The following SLCO1B3 variants were observed in gnomAD, a reference collection of about 807,000 sequenced individuals.
The protein encoded by SLCO1B3 is liver-specific organic anion transporter 2.
A neutral mutation model predicts 71.8 loss-of-function variants in SLCO1B3; 72 were observed. The observed-to-expected ratio is 1.00, with a 90% CI of 0.83 to 1.22. The LOEUF (loss-of-function observed/expected upper bound fraction) is 1.22, where lower values mean the gene tolerates loss of function less well. Among genes scored for constraint, SLCO1B3 ranks in the 50% most tolerant of loss-of-function variants. The pLI is 0.00. For synonymous variants in SLCO1B3, 298 were observed against 278.4 expected (o/e 1.07, Z -0.70); for missense variants, 911 against 819.7 (o/e 1.11, Z -1.36).
chr12:20,915,773 A>C (rs1458335012), intron 15 of SLCO1B3, among the ~76,000 whole-genome samples: 1 of 152,110 alleles, frequency 6.6e-6, no homozygotes, highest in Non-Finnish European at 1.5e-5. Context: ...CTCCCTCCCA[A>C]AGGAAGGCTA....
chr12:20,819,265 G>C (rs577030758), intron 3 of SLCO1B3, among the ~76,000 whole-genome samples: 1 of 152,224 alleles, frequency 6.6e-6, no homozygotes, highest in East Asian at 1.9e-4. Context: ...GAGATTAATC[G>C]GACACGATCA....
In SLCO1B3 at chr12:20,836,652, G is replaced by GT. The variant is rs531758633; in HGVS notation, c.85-18369dup. On this transcript the variant is annotated intron_variant, in intron 3 of 15. Transcript: ENST00000381545. Reference sequence around the variant, plus strand: ...TTCTTTCTGTTTTTTGTTTTGTTTTGTTTTTTTGAGATGGAGTCTCGCTCT... The same window carrying GT: ...TTCTTTCTGTTTTTTGTTTTGTTTTGTTTTTTTTGAGATGGAGTCTCGCTCT... Among the ~76,000 whole-genome samples the GT allele has an allele frequency of 5.3e-5, 8 of 151,870 alleles. No homozygotes were observed. In the South Asian group the frequency reaches 1.5e-3, roughly 28 times the overall value.
At chr12:20,849,162 A>G (rs1275618923) in intron 3 of SLCO1B3, among the ~76,000 whole-genome samples, 1 of 152,032 alleles carries the variant, frequency 6.6e-6, no homozygotes, top group African/African-American at 2.4e-5. Context: ...ATATTAAAAA[A>G]TTTTTCAAGA....
chr12:20,891,911 A>G (rs1222208459), intron 13 of SLCO1B3, among the ~76,000 whole-genome samples: 2 of 151,942 alleles, frequency 1.3e-5, no homozygotes, highest in African/African-American at 4.8e-5. Context: ...CTCTTCTTTT[A>G]TACCCTATGT....
intron 8 of SLCO1B3, among the ~76,000 whole-genome samples, chr12:20,866,463 CATG>C (rs74817237): frequency 0.72 from 109,823 of 151,678 alleles, 42,338 homozygotes; most frequent in South Asian, 0.9. Context: ...AGACTCGAAA[CATG>C]ATTCAAGAAA....
chr12:20,891,736 T>C (rs1189784436), intron 13 of SLCO1B3, among the ~76,000 whole-genome samples: 1 of 152,118 alleles, frequency 6.6e-6, no homozygotes, highest in African/African-American at 2.4e-5. Flanking sequence ...TACTTTTCTA[T>C]GTATTTTTCC....
In SLCO1B3 at chr12:20,837,849, A is replaced by T. The variant is rs371787502; in HGVS notation, c.85-17179A>T. ...AGATGTTAATTATATCCAGTTGATTAATGGTGTTATTAAGGTCAAGTATTT... is the reference window on the plus strand; with the variant it reads ...AGATGTTAATTATATCCAGTTGATTTATGGTGTTATTAAGGTCAAGTATTT... On this transcript the variant is annotated intron_variant, in intron 3 of 15. Coordinates refer to ENST00000381545, the MANE Select transcript of SLCO1B3 (RefSeq NM_019844.4). Among the ~76,000 whole-genome samples the T allele has an allele frequency of 8.2e-4, 125 of 152,206 alleles. 2 individuals carry two copies. In the South Asian group the frequency reaches 0.025, roughly 30 times the overall value.
intron 8 of SLCO1B3, among the ~76,000 whole-genome samples, chr12:20,864,246 C>A (rs906228638): frequency 1.3e-5 from 2 of 151,856 alleles, no homozygotes; most frequent in African/African-American, 2.4e-5. Flanking sequence ...TATTAATCAT[C>A]AAGAGCATGC....
chr12:20,901,510 G>A, intron 15 of SLCO1B3, 43 bp downstream of exon 15: 1 of 1,058,444 alleles, frequency 9.4e-7, no homozygotes, highest in Non-Finnish European at 1.4e-6. Flanking sequence ...TTTTTTCTTT[G>A]TCTATGTTAA....
At position 20,916,199 on chromosome 12, in the gene SLCO1B3, T is replaced by C. The variant is rs771314014; in HGVS notation, c.2061T>C (p.Asp687=). ...ATTTTGTACCTTCTGCTGGAACAGA[T>C]AGTAAAACATGTAATTTGGACATGC... ...GEHFVPSAGT[D]SKTCNLDMQD... Residue 687 remains aspartate (D), a synonymous_variant, in exon 16 of 16, where the codon GAT becomes GAC. Coordinates refer to ENST00000381545, the MANE Select transcript of SLCO1B3 (RefSeq NM_019844.4). 7 of 1,611,722 alleles carry C rather than the reference T, an allele frequency of 4.3e-6. No individual in the cohort carries two copies. The highest frequency in any genetic ancestry group is 1.6e-4 in the Middle Eastern group (1 of 6,068).
intron 3 of SLCO1B3, among the ~76,000 whole-genome samples, chr12:20,849,396 CCT>C (rs1164026257): frequency 1.3e-5 from 2 of 151,912 alleles, no homozygotes; most frequent in African/African-American, 4.8e-5. Context: ...ATATAAGGGA[CCT>C]CTCTCAACAT....
intron 8 of SLCO1B3, among the ~76,000 whole-genome samples, chr12:20,863,340 A>T (rs958552322): frequency 2.0e-5 from 3 of 152,138 alleles, no homozygotes; most frequent in Non-Finnish European, 4.4e-5. Context: ...CTATGGGAAC[A>T]TTTAATGAGT....
In SLCO1B3 at chr12:20,883,565, G is replaced by T. The variant is rs550694241; in HGVS notation, c.1645G>T (p.Ala549Ser). The change falls in exon 13 of 16, where the codon GCA becomes TCA. Residue 549 changes from alanine (A) to serine (S), a missense_variant. Ala to Ser is a moderately conservative substitution (Grantham distance 99, BLOSUM62 1). Transcript: ENST00000381545. ...AIQVINSLFS[A>S]TGGTTFILLT... ...TCAAGTCATAAACTCTTTGTTCTCT[G>T]CAACAGGAGGTACCACATTTATCTT... The T allele has an allele frequency of 1.9e-6, 3 of 1,599,402 alleles. No homozygotes were observed. Among genetic ancestry groups the T allele is most frequent in the Non-Finnish European group, 2.6e-6 (3 of 1,175,072 alleles).
In SLCO1B3 at chr12:20,815,702, C is replaced by A; in HGVS notation, c.-37C>A. 2.4e-6 allele frequency: 3 copies of A among 1,225,002 alleles called. No individual in the cohort carries two copies. Among genetic ancestry groups the A allele is most frequent in the Admixed American group, 1.8e-5 (1 of 54,932 alleles). The allele number at this position is 1,225,002 out of a possible 1,614,324, so 75.9% of individuals were successfully genotyped here. ...ATCATTTCAAACCAAGCATCAGCAACAATTAAAAATATTCACTTGGTATCT... is the reference window on the plus strand; with the variant it reads ...ATCATTTCAAACCAAGCATCAGCAAAAATTAAAAATATTCACTTGGTATCT... On this transcript the variant is annotated 5_prime_UTR_variant, in exon 3 of 16. Transcript: ENST00000381545.
rs182885441 is a variant in SLCO1B3 at position 20,894,170 on chromosome 12, A to T, written c.1683-4266A>T. Among the ~76,000 whole-genome samples the T allele has an allele frequency of 2.0e-5, 3 of 152,332 alleles. No individual in the cohort carries two copies. In the East Asian group the frequency reaches 5.8e-4, roughly 29 times the overall value. On this transcript the variant is annotated intron_variant, in intron 13 of 15. Transcript: ENST00000381545. ...TCTCTTAAATTAAACAATTAAATGA[A>T]ATAGCACATTTAACTTCTTAGGGTG...
chr12:20,903,000 GA>G (rs1440158341), intron 15 of SLCO1B3, among the ~76,000 whole-genome samples: 1 of 151,652 alleles, frequency 6.6e-6, no homozygotes, highest in Non-Finnish European at 1.5e-5. Context: ...TTGAACCTGG[GA>G]GGTGGAGGTG....
At position 20,898,427 on chromosome 12, in the gene SLCO1B3, A is replaced by G. The variant is rs776411134; in HGVS notation, c.1683-9A>G. ...CATGTATTATTTCTTTGCCTTTATC[A>G]TATTTCAGGATTGTTCAACCTGAAT... On this transcript the variant is annotated splice_polypyrimidine_tract_variant and intron_variant, in intron 13 of 15. Coordinates refer to ENST00000381545, the MANE Select transcript of SLCO1B3 (RefSeq NM_019844.4). The G allele has an allele frequency of 6.3e-7, 1 of 1,574,986 alleles. No individual in the cohort carries two copies. The highest frequency in any genetic ancestry group is 1.1e-5 in the South Asian group (1 of 89,416).
intron 13 of SLCO1B3, among the ~76,000 whole-genome samples, chr12:20,892,685 G>GAGAAAGAGGAGGAAGAAA (rs1022204849): frequency 6.6e-6 from 1 of 152,138 alleles, no homozygotes; most frequent in Non-Finnish European, 1.5e-5. Context: ...GTAATCAGAT[G>GAGAAAGAGGAGGAAGAAA]AGAAAGAGGA....
intron 3 of SLCO1B3, chr12:20,845,062 C>CCT: frequency 2.8e-6 from 1 of 362,386 alleles, no homozygotes; most frequent in South Asian, 2.5e-5. Flanking sequence ...CAGTTCTATC[C>CCT]CTCTAAGTTT....
Sources: allele counts gnomAD v4.1 joint callset (sites outside exome capture counted in the v4.1 genomes callset), GRCh38; gene constraint gnomAD v4.1.1; transcripts MANE v1.5; gene names NCBI Gene and HGNC (gene_info 2026-07-23, HGNC 2026-07-21).